Variants in TMEM117 observed in about 807,000 individuals in gnomAD.
TMEM117 encodes transmembrane protein 117.
TMEM117 carries 27 observed loss-of-function variants against 52.4 expected under a neutral mutation model. The observed-to-expected ratio is 0.51, with a 90% CI of 0.38 to 0.71. The LOEUF (loss-of-function observed/expected upper bound fraction) is 0.71. Among genes scored for constraint, TMEM117 ranks in the 30% least tolerant of loss-of-function variants. The pLI is 0.00. For missense variants in TMEM117, 556 were observed against 630.5 expected (o/e 0.88, Z 1.26); for synonymous variants, 215 against 206.3 (o/e 1.04, Z -0.36).
intron 6 of TMEM117, among the ~76,000 whole-genome samples, chr12:44,349,911 G>A (rs1951539058): frequency 6.6e-6 from 1 of 152,024 alleles, no homozygotes; most frequent in African/African-American, 2.4e-5. Flanking sequence ...CAGCCAATTT[G>A]CCACATGCAA....
intron 6 of TMEM117, among the ~76,000 whole-genome samples, chr12:44,346,492 C>T (rs2138766167): frequency 6.6e-6 from 1 of 152,254 alleles, no homozygotes; most frequent in African/African-American, 2.4e-5. Flanking sequence ...CTCTCTCACT[C>T]TTGTTCTTGC....
intron 5 of TMEM117, among the ~76,000 whole-genome samples, chr12:44,226,971 G>A (rs182508903): frequency 6.6e-6 from 1 of 152,056 alleles, no homozygotes; most frequent in African/African-American, 2.4e-5. Context: ...AATCCCAATC[G>A]CCAAAGCAAC....
chr12:44,355,240 C>T (rs1478296462), intron 6 of TMEM117, among the ~76,000 whole-genome samples: 1 of 151,948 alleles, frequency 6.6e-6, no homozygotes, highest in African/African-American at 2.4e-5. Context: ...GCTGATATTG[C>T]TTTAGACTGA....
intron 6 of TMEM117, among the ~76,000 whole-genome samples, chr12:44,310,306 A>G (rs1252235300): frequency 6.6e-6 from 1 of 152,232 alleles, no homozygotes; most frequent in Non-Finnish European, 1.5e-5. Context: ...AAATAGAGGC[A>G]TACTCTAAGG....
intron 2 of TMEM117, among the ~76,000 whole-genome samples, chr12:43,911,403 AC>A (rs1229770941): frequency 2.6e-5 from 2 of 76,362 alleles, no homozygotes; most frequent in Non-Finnish European, 6.6e-5. Context: ...CTAGAAGAAA[AC>A]CTAGGCATTA....
At chr12:44,333,351 T>C (rs146976181) in intron 6 of TMEM117, among the ~76,000 whole-genome samples, 1,747 of 152,096 alleles carry the variant, frequency 0.011, 18 homozygotes, top group Non-Finnish European at 0.019. Flanking sequence ...GTGATAGAAG[T>C]AGATATTAAC....
At chr12:44,331,564 A>G (rs1447069140) in intron 6 of TMEM117, among the ~76,000 whole-genome samples, 1 of 151,640 alleles carries the variant, frequency 6.6e-6, no homozygotes, top group Non-Finnish European at 1.5e-5. Context: ...ACTTCAAATG[A>G]TAAGATAAGA....
At chr12:43,866,458 C>A (rs1943601516) in intron 2 of TMEM117, among the ~76,000 whole-genome samples, 2 of 151,346 alleles carry the variant, frequency 1.3e-5, no homozygotes, top group South Asian at 2.1e-4. Flanking sequence ...ACCTATAGTT[C>A]CAGCTACTTG....
the TMEM117 span, among the ~76,000 whole-genome samples, chr12:43,809,763 T>G: frequency 3.9e-5 from 6 of 152,132 alleles, no homozygotes; most frequent in East Asian, 1.2e-3. Context: ...CTTTGGGTTA[T>G]AAAAAATGAG....
chr12:44,194,861 A>C (rs1157599247), intron 4 of TMEM117, among the ~76,000 whole-genome samples: 1 of 152,190 alleles, frequency 6.6e-6, no homozygotes, highest in Non-Finnish European at 1.5e-5. Context: ...GAAAGAAAGC[A>C]CAAAGAAAAG....
At chr12:44,084,818 C>G (rs1565820970) in intron 3 of TMEM117, among the ~76,000 whole-genome samples, 3 of 152,168 alleles carry the variant, frequency 2.0e-5, no homozygotes, top group East Asian at 3.9e-4. Flanking sequence ...AAAAAGCACT[C>G]AATCCTACTG....
At chr12:43,864,610 A>G (rs1455561450) in intron 2 of TMEM117, among the ~76,000 whole-genome samples, 1 of 151,752 alleles carries the variant, frequency 6.6e-6, no homozygotes, top group African/African-American at 2.4e-5. Flanking sequence ...TAGCTAATCT[A>G]GTGGGGACGT....
chr12:44,203,147 C>T (rs909614347), intron 4 of TMEM117, among the ~76,000 whole-genome samples: 4 of 151,698 alleles, frequency 2.6e-5, no homozygotes, highest in Non-Finnish European at 2.9e-5. Flanking sequence ...AAATTTGTTT[C>T]GGTCTTCTCA....
chr12:44,108,549 G>A (rs1403029122), intron 3 of TMEM117, among the ~76,000 whole-genome samples: 1 of 90,336 alleles, frequency 1.1e-5, no homozygotes, highest in African/African-American at 7.3e-5. Context: ...CATTTTTTAT[G>A]GCTGCATAGT....
At chr12:44,122,658 C>T (rs565131282) in intron 3 of TMEM117, among the ~76,000 whole-genome samples, 11 of 152,080 alleles carry the variant, frequency 7.2e-5, no homozygotes, top group South Asian at 2.1e-4. Flanking sequence ...AGTGAGAACA[C>T]GCAGTATTTG....
At chr12:44,349,251 A>G (rs1951531225) in intron 6 of TMEM117, among the ~76,000 whole-genome samples, 1 of 152,024 alleles carries the variant, frequency 6.6e-6, no homozygotes, top group South Asian at 2.1e-4. Flanking sequence ...TGTGAAAGGT[A>G]ACAGCTAATA....
At chr12:44,136,832 T>C (rs906399648) in intron 3 of TMEM117, among the ~76,000 whole-genome samples, 1 of 152,134 alleles carries the variant, frequency 6.6e-6, no homozygotes, top group Non-Finnish European at 1.5e-5. Context: ...AGCTTTTTAT[T>C]CCAGAAGAGG....
intron 2 of TMEM117, among the ~76,000 whole-genome samples, chr12:43,853,641 T>C (rs1943349424): frequency 6.6e-6 from 1 of 152,210 alleles, no homozygotes; most frequent in Non-Finnish European, 1.5e-5. Flanking sequence ...AAATAAGACA[T>C]GGTCTCTGAT....
intron 3 of TMEM117, among the ~76,000 whole-genome samples, chr12:44,120,143 A>G (rs980406645): frequency 1.3e-5 from 2 of 152,134 alleles, no homozygotes; most frequent in African/African-American, 4.8e-5. Context: ...AGGTAAAATC[A>G]TATTGTGAAG....
Sources: allele counts gnomAD v4.1 joint callset (sites outside exome capture counted in the v4.1 genomes callset), GRCh38; gene constraint gnomAD v4.1.1; transcripts MANE v1.5; gene names NCBI Gene and HGNC (gene_info 2026-07-23, HGNC 2026-07-21).